ASXL1: variants seen among roughly 807,000 people sequenced by gnomAD.
ASXL1 encodes polycomb group protein ASXL1.
A neutral mutation model predicts 89.1 loss-of-function variants in ASXL1; 65 were observed. That is an observed-to-expected ratio of 0.73 (90% CI 0.60 to 0.90). The LOEUF (loss-of-function observed/expected upper bound fraction) is 0.90. ASXL1 is among the 40% of genes least tolerant of loss of function. The pLI is 0.00. For synonymous variants in ASXL1, 739 were observed against 746.9 expected (o/e 0.99, Z 0.17); for missense variants, 1,786 against 1,942.9 (o/e 0.92, Z 1.52).
chr20:32,359,450 C>A (rs2048072561), intron 1 of ASXL1: 4 of 697,370 alleles, frequency 5.7e-6, no homozygotes, highest in East Asian at 5.4e-5. Flanking sequence ...CTCCTAGGGC[C>A]CTTCGTAAGA....
At position 32,436,031 on chromosome 20, in the gene ASXL1, C is replaced by G; in HGVS notation, c.3319C>G (p.Leu1107Val). 1.2e-6 allele frequency: 2 copies of G among 1,614,218 alleles called. No homozygotes were observed. The highest frequency in any genetic ancestry group is 8.5e-7 in the Non-Finnish European group (1 of 1,180,046). The change falls in exon 13 of 13, where the codon CTT becomes GTT. Residue 1107 changes from leucine (L) to valine (V), a missense_variant. Leu to Val is a conservative substitution (Grantham distance 32). Around this residue, in one of 3 missense-constraint regions of ASXL1, gnomAD observed 1,418 missense variants for 1,427.8 expected, o/e 0.99. Transcript: ENST00000375687. ...PGSSVEATNP[L>V]VMQLLQGSLP... ...GTCCTCAGTGGAGGCCACTAACCCA[C>G]TTGTGATGCAGTTGCTGCAGGGTAG... is the stretch of plus-strand genomic sequence containing the variant.
intron 1 of ASXL1, among the ~76,000 whole-genome samples, chr20:32,362,257 G>A (rs776066470): frequency 1.3e-5 from 2 of 152,200 alleles, no homozygotes; most frequent in Admixed American, 6.5e-5. Context: ...AATGGCAATT[G>A]TATGCACTTC....
chr20:32,372,032 TTTTTC>T (rs1315116681), intron 4 of ASXL1: 1 of 1,172,954 alleles, frequency 8.5e-7, no homozygotes, highest in Non-Finnish European at 1.1e-6. Context: ...GATAATTACT[TTTTTC>T]TATGAGTACC....
At chr20:32,398,724 C>T (rs1178753404) in intron 4 of ASXL1, among the ~76,000 whole-genome samples, 1 of 150,380 alleles carries the variant, frequency 6.6e-6, no homozygotes, top group Non-Finnish European at 1.5e-5. Context: ...ATTCTCCTGC[C>T]TCAGCCTCCC....
In ASXL1 at chr20:32,366,395, C is replaced by T; in HGVS notation, c.69C>T (p.Asn23=). The T allele has an allele frequency of 2.5e-6, 4 of 1,612,758 alleles. No homozygotes were observed. Among genetic ancestry groups the T allele is most frequent in the Non-Finnish European group, 3.4e-6 (4 of 1,178,752 alleles). Residue 23 remains asparagine (N), a synonymous_variant, in exon 2 of 13, where the codon AAC becomes AAT. Transcript: ENST00000375687. ...TTATATTTCTTCAGGTATTAGAAAA[C>T]TACTCGGATGCTCCAATGACACCAA... ...WAEAARLVLE[N]YSDAPMTPKQ... is the part of the protein sequence containing the mutation.
rs551276705 is a variant in ASXL1 at position 32,431,317 on chromosome 20, A to G, written c.719-4A>G. 6 of 1,614,082 alleles carry G rather than the reference A, an allele frequency of 3.7e-6. No homozygotes were observed. Among genetic ancestry groups the G allele is most frequent in the South Asian group, 1.1e-5 (1 of 91,094 alleles). On this transcript the variant is annotated splice_region_variant and splice_polypyrimidine_tract_variant and intron_variant, in intron 8 of 12. Transcript: ENST00000375687. ...AAATCTATACCTTGCTTCAAAAATC[A>G]TAGGTCAAATGAAGCGCAACAGAGG...
At chr20:32,404,348 A>T (rs1373936191) in intron 4 of ASXL1, among the ~76,000 whole-genome samples, 1 of 152,206 alleles carries the variant, frequency 6.6e-6, no homozygotes, top group African/African-American at 2.4e-5. Flanking sequence ...AGGTTTTAGC[A>T]TGCATATTTT....
Position 32,435,234 on chromosome 20 carries a change from TA to T in ASXL1, c.2525del (p.Asn842MetfsTer2), listed in dbSNP as rs773442382. ...AGTCATCCCACTATGAAGGATCCTG[TA>T]AATGTGACCCCCAGTTCCACACCTG... Reference protein sequence around the residue: ...LDSHPTMKDPVNVTPSSTPES... With the variant: ...LDSHPTMKDPXNVTPSSTPES... On this transcript the variant is annotated frameshift_variant, in exon 13 of 13. Coordinates refer to ENST00000375687, the MANE Select transcript of ASXL1 (RefSeq NM_015338.6). LOFTEE classifies it low-confidence loss of function (END_TRUNC). The T allele has an allele frequency of 6.2e-7, 1 of 1,613,940 alleles. No homozygotes were observed. The highest frequency in any genetic ancestry group is 8.5e-7 in the Non-Finnish European group (1 of 1,180,026).
intron 4 of ASXL1, among the ~76,000 whole-genome samples, chr20:32,404,400 CTA>C (rs2048921646): frequency 6.6e-6 from 1 of 152,038 alleles, no homozygotes; most frequent in Admixed American, 6.6e-5. Context: ...TTTTGGTAAA[CTA>C]TTATAAATGA....
At position 32,437,532 on chromosome 20, in the gene ASXL1, G is replaced by C; in HGVS notation, c.*194G>C. The C allele has an allele frequency of 1.1e-6, 1 of 872,134 alleles. No individual in the cohort carries two copies. The highest frequency in any genetic ancestry group is 1.7e-5 in the African/African-American group (1 of 59,762). 54.0% of individuals were successfully genotyped at this position (872,134 alleles called of 1,614,324 possible). ...CTGGTCTTGCTGGAGGGGTTTCCTG[G>C]GTATAACCCATTGGGCTGCCCAAGG... On this transcript the variant is annotated 3_prime_UTR_variant, in exon 13 of 13. Transcript: ENST00000375687.
At chr20:32,423,026 A>T (rs2011182786) in intron 4 of ASXL1, among the ~76,000 whole-genome samples, 2 of 152,174 alleles carry the variant, frequency 1.3e-5, no homozygotes, top group Admixed American at 6.5e-5. Flanking sequence ...TATTTTCAGT[A>T]ACCCATTTCG....
chr20:32,401,612 G>A (rs1341669928), intron 4 of ASXL1, among the ~76,000 whole-genome samples: 1 of 147,168 alleles, frequency 6.8e-6, no homozygotes, highest in Non-Finnish European at 1.5e-5. Flanking sequence ...CTAGGGTGCA[G>A]TGGTGTGATC....
intron 6 of ASXL1, chr20:32,428,753 G>T (rs1316883473): frequency 8.5e-4 from 258 of 304,226 alleles, no homozygotes; most frequent in Non-Finnish European, 1.4e-3. Context: ...CTCTGCCTCT[G>T]GGGTTCAAGC....
chr20:32,428,677 T>G, intron 6 of ASXL1: 1 of 415,692 alleles, frequency 2.4e-6, no homozygotes, highest in East Asian at 4.8e-5. Flanking sequence ...TTTTTTTTTT[T>G]TTGAGATGGA....
chr20:32,377,137 ATT>A lies in ASXL1; in HGVS notation c.252+8015_252+8016del, dbSNP rs1442482522. 4.9e-5 allele frequency among the ~76,000 whole-genome samples: 7 copies of A among 142,212 alleles called. No homozygotes were observed. In the East Asian group the frequency reaches 1.2e-3, roughly 24 times the overall value. The allele number at this position is 142,212 out of a possible 152,430, so 93.3% of individuals were successfully genotyped here. On this transcript the variant is annotated intron_variant, in intron 4 of 12. Transcript: ENST00000375687. The stretch of plus-strand genomic sequence containing the variant: ...TAATAGATATATTAATATAATATAT[ATT>A]ATATATTATACAGATATCTATAAAT...
At chr20:32,376,539 G>T (rs1264402192) in intron 4 of ASXL1, among the ~76,000 whole-genome samples, 1 of 151,278 alleles carries the variant, frequency 6.6e-6, no homozygotes, top group East Asian at 2.0e-4. Context: ...GCCCCCCAAA[G>T]TGTTGGGATT....
chr20:32,366,551 T>G (rs1421651409), intron 2 of ASXL1, 85 bp downstream of exon 2: 1 of 1,606,026 alleles, frequency 6.2e-7, no homozygotes, highest in African/African-American at 1.3e-5. Context: ...TAAGTACACC[T>G]GTGTATGTAT....
At chr20:32,395,140 A>C (rs971511720) in intron 4 of ASXL1, among the ~76,000 whole-genome samples, 1 of 152,140 alleles carries the variant, frequency 6.6e-6, no homozygotes, top group African/African-American at 2.4e-5. Context: ...TTTTCTCGTC[A>C]GTTCAGATTT....
chr20:32,372,411 G>C, intron 4 of ASXL1: 3 of 1,110,128 alleles, frequency 2.7e-6, no homozygotes, highest in Non-Finnish European at 3.3e-6. Context: ...TATTCGTTGT[G>C]CTCTTTTAAT....
Sources: gnomAD v4.1 joint callset for allele counts (sites outside exome capture counted in the v4.1 genomes callset) on GRCh38, gnomAD v4.1.1 for gene constraint, gnomAD v4.1.1 regional missense constraint, MANE v1.5 for transcripts, NCBI Gene and HGNC (gene_info 2026-07-23, HGNC 2026-07-21) for gene names.